Variants in PLCZ1 observed in about 807,000 individuals in gnomAD.
PLCZ1 encodes the protein 1-phosphatidylinositol 4,5-bisphosphate phosphodiesterase zeta-1.
A neutral mutation model predicts 76.8 loss-of-function variants in PLCZ1; 64 were observed. The ratio of observed to expected loss-of-function variants is 0.83; its 90% CI spans 0.68 to 1.03. PLCZ1 has a LOEUF of 1.03. Ranked by LOEUF, PLCZ1 falls within the 50% of genes least tolerant of loss-of-function variation. PLCZ1 has a pLI of 0.00. For synonymous variants in PLCZ1, 248 were observed against 230.8 expected (o/e 1.07, Z -0.68); for missense variants, 751 against 713.7 (o/e 1.05, Z -0.60).
the PLCZ1 span, among the ~76,000 whole-genome samples, chr12:18,677,504 C>T: frequency 1.2e-3 from 185 of 152,098 alleles, 1 homozygote; most frequent in African/African-American, 4.2e-3. Context: ...TTCAGGAGGT[C>T]TAGGGTGAAG....
Position 18,688,254 on chromosome 12 carries a change from G to A in PLCZ1, c.1462-36C>T, listed in dbSNP as rs780086744. The A allele has an allele frequency of 3.2e-6, 5 of 1,573,234 alleles. No homozygotes were observed. The South Asian group carries it at 5.8e-5, about 18-fold the overall frequency. Reference sequence around the variant, plus strand: ...ATATATGAATATAAGAATTTAGCAAGATATTAAGTTACATCACCATTTATT... The same window carrying A: ...ATATATGAATATAAGAATTTAGCAAAATATTAAGTTACATCACCATTTATT... On this transcript the variant is annotated intron_variant, in intron 12 of 14. Transcript: ENST00000266505.
At chr12:18,711,529 T>TATAATAATAATA (rs71440375) in intron 6 of PLCZ1, among the ~76,000 whole-genome samples, 9,502 of 142,338 alleles carry the variant, frequency 0.067, 375 homozygotes, top group African/African-American at 0.1. Context: ...AAACTTAAAG[T>TATAATAATAATA]ATAATAATAA....
downstream of PLCZ1, among the ~76,000 whole-genome samples, chr12:18,681,145 G>T (rs1345366551): frequency 6.6e-6 from 1 of 152,002 alleles, no homozygotes; most frequent in Non-Finnish European, 1.5e-5. Context: ...AAGGAAACAC[G>T]ACAGTTTAGC....
At chr12:18,664,344 T>C in the PLCZ1 span, among the ~76,000 whole-genome samples, 1 of 152,200 alleles carries the variant, frequency 6.6e-6, no homozygotes, top group Admixed American at 6.5e-5. Flanking sequence ...GCAGCATTGT[T>C]CTCAATAGCT....
Position 18,683,283 on chromosome 12 carries a change from G to A in PLCZ1, c.1783C>T (p.Leu595Phe), listed in dbSNP as rs1465464584. The change falls in exon 15 of 15, where the codon CTT (leucine) becomes TTT (phenylalanine). Residue 595 changes from leucine (L) to phenylalanine (F), a missense_variant. By Grantham distance (22) the Leu-to-Phe change is conservative. Transcript: ENST00000266505. ...TAAACAAACAGTGAAGCAGGCTCAA[G>A]GCTCTCACCCATTCTGGAAAACAGA... ...IPLFSRMGES[L>F]EPASLFVYVW... is the part of the protein sequence containing the mutation. 6.2e-7 allele frequency: 1 copy of A among 1,612,524 alleles called. No homozygotes were observed. Among genetic ancestry groups the A allele is most frequent in the Non-Finnish European group, 8.5e-7 (1 of 1,179,042 alleles).
intron 12 of PLCZ1, among the ~76,000 whole-genome samples, chr12:18,689,197 G>C (rs1953676870): frequency 6.6e-6 from 1 of 152,126 alleles, no homozygotes; most frequent in Admixed American, 6.5e-5. Context: ...TACCACTATA[G>C]ACCCGCTAAA....
intron 6 of PLCZ1, among the ~76,000 whole-genome samples, chr12:18,710,865 A>G (rs554035124): frequency 4.6e-5 from 7 of 152,198 alleles, no homozygotes; most frequent in Non-Finnish European, 7.3e-5. Flanking sequence ...AATGGCGATC[A>G]TTAAAAAGTC....
downstream of PLCZ1, among the ~76,000 whole-genome samples, chr12:18,679,329 A>G (rs796407571): frequency 2.6e-5 from 4 of 152,162 alleles, no homozygotes; most frequent in African/African-American, 9.6e-5. Context: ...CATTTATTTT[A>G]TGCCTCATGC....
At chr12:18,711,529 TATAATAATA>T (rs71440375) in intron 6 of PLCZ1, among the ~76,000 whole-genome samples, 128 of 142,468 alleles carry the variant, frequency 9.0e-4, no homozygotes, top group Non-Finnish European at 1.2e-3. Context: ...AAACTTAAAG[TATAATAATA>T]ATAATAATAA....
the PLCZ1 span, among the ~76,000 whole-genome samples, chr12:18,676,409 G>A: frequency 1.3e-5 from 2 of 152,062 alleles, no homozygotes; most frequent in Admixed American, 6.6e-5. Context: ...AGCAAACTGA[G>A]CATCAGTCTC....
At position 18,711,199 on chromosome 12, in the gene PLCZ1, C is replaced by A. The variant is rs1250932573; in HGVS notation, c.714+1643G>T. ...AACATATACACCATGGAATACTATG[C>A]AACCATAAAAAATGAAGAGTTCATG... On this transcript the variant is annotated intron_variant, in intron 6 of 14. Coordinates refer to ENST00000266505, the MANE Select transcript of PLCZ1 (RefSeq NM_033123.4). Among the ~76,000 whole-genome samples the A allele has an allele frequency of 2.6e-5, 4 of 151,688 alleles. No individual in the cohort carries two copies. The East Asian group carries it at 5.8e-4, about 22-fold the overall frequency.
intron 11 of PLCZ1, among the ~76,000 whole-genome samples, chr12:18,695,624 C>T (rs1051678554): frequency 1.3e-5 from 2 of 152,088 alleles, no homozygotes; most frequent in Non-Finnish European, 2.9e-5. Flanking sequence ...CACCTACAGG[C>T]CTTGCCACAA....
At chr12:18,681,473 C>T (rs1349374889), downstream of PLCZ1, among the ~76,000 whole-genome samples, 1 of 152,006 alleles carries the variant, frequency 6.6e-6, no homozygotes, top group Non-Finnish European at 1.5e-5. Context: ...CATTCCCAAC[C>T]TATTCTAAAT....
chr12:18,647,392 C>T, the PLCZ1 span, among the ~76,000 whole-genome samples: 7 of 151,390 alleles, frequency 4.6e-5, no homozygotes, highest in Non-Finnish European at 7.4e-5. Flanking sequence ...GCCCAAACCA[C>T]AGCATCATGC....
chr12:18,718,305 A>G (rs1326017939), intron 5 of PLCZ1, among the ~76,000 whole-genome samples: 1 of 152,060 alleles, frequency 6.6e-6, no homozygotes. Flanking sequence ...CTGCTACACC[A>G]TCTTCCCAAA....
At chr12:18,715,555 C>G (rs552756076) in intron 5 of PLCZ1, 1 of 152,150 alleles carries the variant, frequency 6.6e-6, no homozygotes, top group Non-Finnish European at 1.5e-5. Flanking sequence ...GCGCCCACCA[C>G]CACGCCTGGC....
At chr12:18,702,101 T>A (rs2137272989) in intron 7 of PLCZ1, among the ~76,000 whole-genome samples, 1 of 152,282 alleles carries the variant, frequency 6.6e-6, no homozygotes, top group Non-Finnish European at 1.5e-5. Context: ...TACCATGATA[T>A]TGCAATGAAA....
the PLCZ1 span, among the ~76,000 whole-genome samples, chr12:18,653,631 G>A: frequency 9.6e-4 from 146 of 152,194 alleles, no homozygotes; most frequent in African/African-American, 3.3e-3. Flanking sequence ...GAGCACTGGA[G>A]GAGACAAAAC....
chr12:18,701,837 T>C (rs1955977695), intron 7 of PLCZ1, 61 bp from the exon 8 acceptor site: 1 of 1,544,904 alleles, frequency 6.5e-7, no homozygotes, highest in Non-Finnish European at 8.7e-7. Context: ...ATTGTAACAG[T>C]CACTGAAAAG....
Sources: allele counts gnomAD v4.1 joint callset (sites outside exome capture counted in the v4.1 genomes callset), GRCh38; gene constraint gnomAD v4.1.1; transcripts MANE v1.5; gene names NCBI Gene and HGNC (gene_info 2026-07-23, HGNC 2026-07-21).